MCTP2: variants seen among roughly 807,000 people sequenced by gnomAD.
The protein encoded by MCTP2 is multiple C2 and transmembrane domain containing 2, also known as multiple C2 and transmembrane domain-containing protein 2.
In MCTP2, 132 loss-of-function variants were observed where a neutral mutation model predicts 111.6. The ratio of observed to expected loss-of-function variants is 1.18; its 90% CI spans 1.03 to 1.37. MCTP2 has a LOEUF of 1.37. Among genes scored for constraint, MCTP2 ranks in the 40% most tolerant of loss-of-function variants. The pLI is 0.00. For synonymous variants in MCTP2, 395 were observed against 387.7 expected, an observed-to-expected ratio of 1.02 and a Z score of -0.22; for missense variants, 1,183 against 1,067.9, an observed-to-expected ratio of 1.11 and a Z score of -1.50.
At chr15:94,446,282 C>T (rs3784641) in intron 19 of MCTP2, among the ~76,000 whole-genome samples, 19,746 of 152,156 alleles carry the variant, frequency 0.13, 1,695 homozygotes, top group Non-Finnish European at 0.19. Flanking sequence ...TAATACCTGA[C>T]GGCTCATGTA....
At chr15:94,280,076 T>A (rs927293557) in intron 1 of MCTP2, among the ~76,000 whole-genome samples, 2 of 152,106 alleles carry the variant, frequency 1.3e-5, no homozygotes, top group Non-Finnish European at 2.9e-5. Flanking sequence ...CTGTGCCAGG[T>A]ATTGATATCA....
intron 17 of MCTP2, among the ~76,000 whole-genome samples, 198 bp from the exon 18 acceptor site, chr15:94,439,978 C>A (rs1478551950): frequency 6.6e-6 from 1 of 152,066 alleles, no homozygotes; most frequent in Non-Finnish European, 1.5e-5. Context: ...TATTCCAGAG[C>A]GTGACTAATC....
rs75020686 is a variant in MCTP2, at chr15:94,453,130, C to T, written c.2251-5007C>T. 7.4e-3 allele frequency among the ~76,000 whole-genome samples: 1,123 copies of T among 152,240 alleles called. 38 individuals are homozygous for T. In the East Asian group the frequency reaches 0.08, roughly 11 times the overall value. ...TTTTAAACTATTGTATTTAATATTT[C>T]CACTATAACAAGGTGGGATGTGTTG... On this transcript the variant is annotated intron_variant, in intron 19 of 22. Coordinates refer to ENST00000357742, the MANE Select transcript of MCTP2 (RefSeq NM_001385001.1).
At chr15:94,470,981 C>T (rs1446113797) in intron 21 of MCTP2, among the ~76,000 whole-genome samples, 1 of 152,048 alleles carries the variant, frequency 6.6e-6, no homozygotes, top group Non-Finnish European at 1.5e-5. Context: ...TATTATTTAC[C>T]AGGGGAAATG....
In MCTP2 at chr15:94,243,302, CAT is replaced by C. The variant is rs1420618941; in HGVS notation, c.-66+11640_-66+11641del. Among the ~76,000 whole-genome samples the C allele has an allele frequency of 9.0e-3, 1,138 of 126,526 alleles. 26 individuals are homozygous for C. The highest frequency in any genetic ancestry group is 0.021 in the South Asian group (87 of 4,086). The allele number at this position is 126,526 out of a possible 152,430, so 83.0% of individuals were successfully genotyped here. A position where few individuals can be genotyped will look rare whatever the true frequency, so the allele number is the denominator to read the frequency against. On this transcript the variant is annotated intron_variant, in intron 1 of 22. Transcript: ENST00000357742. The stretch of plus-strand genomic sequence containing the variant: ...ATACGTATGCGTATATGCATATATA[CAT>C]ACATACGTATGCGTACATACGTATG...
intron 1 of MCTP2, among the ~76,000 whole-genome samples, chr15:94,256,930 T>G (rs187732218): frequency 6.6e-6 from 1 of 152,298 alleles, no homozygotes; most frequent in East Asian, 1.9e-4. Flanking sequence ...TGAAAATCCA[T>G]GACAAATCAA....
At chr15:94,353,640 C>T (rs866346833) in intron 8 of MCTP2, among the ~76,000 whole-genome samples, 3 of 152,038 alleles carry the variant, frequency 2.0e-5, no homozygotes, top group African/African-American at 4.8e-5. Flanking sequence ...GAAATAGATG[C>T]AGTGTTTAGG....
chr15:94,472,593 A>G (rs1487803160), intron 21 of MCTP2, among the ~76,000 whole-genome samples: 2 of 152,194 alleles, frequency 1.3e-5, no homozygotes, highest in Admixed American at 1.3e-4. Context: ...ATTAAATGGT[A>G]TGGAGTTTAT....
intron 17 of MCTP2, chr15:94,403,285 T>C: frequency 1.0e-6 from 1 of 978,274 alleles, no homozygotes; most frequent in Non-Finnish European, 1.2e-6. Flanking sequence ...GTCTCAGCAT[T>C]TGTTTATCCA....
intron 17 of MCTP2, among the ~76,000 whole-genome samples, chr15:94,423,561 C>A (rs1851716410): frequency 6.6e-6 from 1 of 152,142 alleles, no homozygotes; most frequent in Non-Finnish European, 1.5e-5. Context: ...AAGAAATGTT[C>A]CTTTGACTAC....
rs751376704 is a variant in MCTP2, at chr15:94,384,125, G to T, written c.1685+1G>T. 1.2e-6 allele frequency: 2 copies of T among 1,605,216 alleles called. No homozygotes were observed. The highest frequency in any genetic ancestry group is 1.1e-5 in the South Asian group (1 of 90,644). On this transcript the variant is annotated splice_donor_variant, in intron 13 of 22. Transcript: ENST00000357742. LOFTEE classifies it high-confidence loss of function. ...CTGAATGGAACAAAGTTTTTACATT[G>T]TAAGTGCTTTAGCCTCTGGAATTAT...
chr15:94,241,259 A>T (rs1479506705), intron 1 of MCTP2, among the ~76,000 whole-genome samples: 3 of 152,176 alleles, frequency 2.0e-5, no homozygotes, highest in African/African-American at 7.2e-5. Flanking sequence ...CTACAATCTG[A>T]TGTGCCGGGC....
intron 5 of MCTP2, 99 bp downstream of exon 5, chr15:94,339,531 T>C (rs2077528439): frequency 1.1e-6 from 1 of 873,688 alleles, no homozygotes; most frequent in African/African-American, 1.7e-5. Flanking sequence ...ATTAATTCTT[T>C]TATTAGGACA....
At chr15:94,427,700 A>G (rs1419838917) in intron 17 of MCTP2, among the ~76,000 whole-genome samples, 2 of 152,142 alleles carry the variant, frequency 1.3e-5, no homozygotes, top group Admixed American at 6.5e-5. Flanking sequence ...AAACAAACAA[A>G]TAGGAATGAA....
intron 8 of MCTP2, among the ~76,000 whole-genome samples, chr15:94,350,535 A>T (rs2078247224): frequency 1.3e-5 from 2 of 152,202 alleles, no homozygotes; most frequent in African/African-American, 4.8e-5. Flanking sequence ...ACATCACTGC[A>T]CCCCAGCCTG....
intron 2 of MCTP2, among the ~76,000 whole-genome samples, chr15:94,313,688 G>A (rs1397106815): frequency 1.1e-4 from 16 of 151,900 alleles, no homozygotes; most frequent in African/African-American, 3.4e-4. Context: ...GCGACAGAGT[G>A]AGACTCTGTC....
At chr15:94,328,386 C>CCCA (rs2076985468) in intron 4 of MCTP2, among the ~76,000 whole-genome samples, 1 of 152,010 alleles carries the variant, frequency 6.6e-6, no homozygotes, top group Admixed American at 6.6e-5. Context: ...CCTTGGCCTC[C>CCCA]CAAAGTGCTG....
chr15:94,288,411 C>T (rs150199224), intron 1 of MCTP2, among the ~76,000 whole-genome samples: 72 of 152,316 alleles, frequency 4.7e-4, no homozygotes, highest in African/African-American at 1.6e-3. Context: ...GGTGGAACTC[C>T]ACTCAAGTCC....
intron 1 of MCTP2, among the ~76,000 whole-genome samples, chr15:94,253,841 C>T (rs952460468): frequency 1.4e-4 from 21 of 151,590 alleles, no homozygotes; most frequent in African/African-American, 4.8e-4. Context: ...GAGACTGAAA[C>T]AGTTTTCTCA....
Sources: allele counts gnomAD v4.1 joint callset (sites outside exome capture counted in the v4.1 genomes callset), GRCh38; gene constraint gnomAD v4.1.1; transcripts MANE v1.5; gene names NCBI Gene and HGNC (gene_info 2026-07-23, HGNC 2026-07-21).